MATR3: variants seen among roughly 807,000 people sequenced by gnomAD.
MATR3 encodes matrin-3.
Under a neutral mutation model 85.5 loss-of-function variants are expected in MATR3, and 4 were observed. The observed-to-expected ratio is 0.05, with a 90% confidence interval of 0.02 to 0.11. The LOEUF is 0.11. Ranked by LOEUF, MATR3 falls within the 10% of genes least tolerant of loss-of-function variation. The probability of loss-of-function intolerance (pLI) is 1.00; values close to 1 mark genes in which losing one functional copy is unlikely to be tolerated. For synonymous variants in MATR3, 336 were observed against 343.1 expected, an observed-to-expected ratio of 0.98 and a Z score of 0.23; for missense variants, 685 against 1,016.1, an observed-to-expected ratio of 0.67 and a Z score of 4.43.
rs754675629 is a variant in MATR3 at position 139,328,478 on chromosome 5, TCA to T, written c.2494-864_2494-863del. Among the ~76,000 whole-genome samples, 5 of 152,302 alleles carry T rather than the reference TCA, an allele frequency of 3.3e-5. No homozygotes were observed. In the East Asian group the frequency reaches 9.6e-4, roughly 29 times the overall value. ...CTCCCGTGTCTAGAAACTCTAGCAG[TCA>T]CAGGTTTAATGGCAGGGGTCAGCAA... On this transcript the variant is annotated intron_variant, in intron 14 of 14. Coordinates refer to ENST00000394805, the MANE Select transcript of MATR3 (RefSeq NM_018834.6).
intron 14 of MATR3, among the ~76,000 whole-genome samples, chr5:139,327,686 G>C (rs1755928254): frequency 1.3e-5 from 2 of 152,056 alleles, no homozygotes; most frequent in South Asian, 4.1e-4. Context: ...CTCCCAAAAT[G>C]CTGGGATTAC....
rs1182789387 is a variant in MATR3, at chr5:139,322,678, G to A, written c.1859G>A (p.Ser620Asn). The A allele has an allele frequency of 1.2e-6, 2 of 1,614,184 alleles. No individual in the cohort carries two copies. Among genetic ancestry groups the A allele is most frequent in the Admixed American group, 1.7e-5 (1 of 60,012 alleles). The change falls in exon 12 of 15, where the codon AGT becomes AAT. Residue 620 changes from serine to asparagine, a missense_variant. By Grantham distance (46) the Ser-to-Asn change is conservative (BLOSUM62 1). Transcript: ENST00000394805. ...ACTGATGGTTCCCAGAAGACTGAGAGTTCAACCGAAGGTAAAGAACAAGAA... is the reference window on the plus strand; with the variant it reads ...ACTGATGGTTCCCAGAAGACTGAGAATTCAACCGAAGGTAAAGAACAAGAA... Reference protein sequence around the residue: ...SKTDGSQKTESSTEGKEQEEK... With the variant: ...SKTDGSQKTENSTEGKEQEEK...
intron 2 of MATR3, chr5:139,311,083 C>T (rs534176875): frequency 1.3e-5 from 2 of 152,320 alleles, no homozygotes; most frequent in South Asian, 4.1e-4. Context: ...AGGTGTGAGC[C>T]ATCGCACCCA....
upstream of MATR3, among the ~76,000 whole-genome samples, chr5:139,291,035 GCTTAAAC>G (rs1272482785): frequency 1.3e-5 from 2 of 152,060 alleles, no homozygotes; most frequent in Admixed American, 6.6e-5. Flanking sequence ...CGGAAGGATT[GCTTAAAC>G]CCGGGACGCA....
intron 2 of MATR3, among the ~76,000 whole-genome samples, chr5:139,308,978 T>C (rs548764450): frequency 7.9e-5 from 12 of 152,230 alleles, no homozygotes; most frequent in Non-Finnish European, 1.6e-4. Context: ...TATCCCATGT[T>C]ACATCTGTCC....
At chr5:139,321,003 G>A (rs983210823) in intron 9 of MATR3, among the ~76,000 whole-genome samples, 1 of 150,046 alleles carries the variant, frequency 6.7e-6, no homozygotes, top group Non-Finnish European at 1.5e-5. Context: ...TGATCCGCCC[G>A]TCTCGGCCTC....
chr5:139,294,741 G>A (rs1451860132), intron 1 of MATR3: 3 of 152,198 alleles, frequency 2.0e-5, no homozygotes, highest in African/African-American at 4.8e-5. Context: ...TCCAGACAAA[G>A]GGTTTTGGAG....
At chr5:139,289,432 C>T (rs1753805218), upstream of MATR3, among the ~76,000 whole-genome samples, 1 of 152,184 alleles carries the variant, frequency 6.6e-6, no homozygotes, top group African/African-American at 2.4e-5. Flanking sequence ...AATATATACC[C>T]TGTCTCTAAA....
Position 139,325,665 on chromosome 5 carries a change from G to A in MATR3, c.2371+3G>A, listed in dbSNP as rs990109298. 1 of 1,572,894 alleles carries A rather than the reference G, an allele frequency of 6.4e-7. No individual in the cohort carries two copies. Among genetic ancestry groups the A allele is most frequent in the Non-Finnish European group, 8.7e-7 (1 of 1,146,972 alleles). ...ATATCAGCCCAATGTTCCTGTTGGT[G>A]AGATTTAAGTCTTTGTTCTTCACCT... On this transcript the variant is annotated splice_donor_region_variant and intron_variant, in intron 13 of 14. Transcript: ENST00000394805.
At position 139,316,224 on chromosome 5, in the gene MATR3, G is replaced by A. The variant is rs186995471; in HGVS notation, c.1129+36G>A. ...AAAATTCATGTTACTTTTCCCTACA[G>A]AGCCGTTACTGAAAATTTTTCTTTT... On this transcript the variant is annotated intron_variant, in intron 5 of 14. Transcript: ENST00000394805. 14 of 1,488,634 alleles carry A rather than the reference G, an allele frequency of 9.4e-6. No homozygotes were observed. The Admixed American group carries it at 1.3e-4, about 14-fold the overall frequency. The allele number at this position is 1,488,634 out of a possible 1,614,324, so 92.2% of individuals were successfully genotyped here. A position where few individuals can be genotyped will look rare whatever the true frequency, so the allele number is the denominator to read the frequency against.
intron 9 of MATR3, among the ~76,000 whole-genome samples, chr5:139,320,791 C>T (rs1389383331): frequency 2.1e-5 from 3 of 143,872 alleles, no homozygotes; most frequent in East Asian, 2.0e-4. Flanking sequence ...TCTGTCACCC[C>T]GGCTGTAGTG....
chr5:139,281,675 T>G (rs904698819), intron 3 of MATR3, among the ~76,000 whole-genome samples: 1 of 152,096 alleles, frequency 6.6e-6, no homozygotes, highest in Non-Finnish European at 1.5e-5. Flanking sequence ...TCTGTTAATC[T>G]TTTCCCATGC....
chr5:139,276,742 A>G (rs1265680460), intron 2 of MATR3, among the ~76,000 whole-genome samples: 3 of 152,214 alleles, frequency 2.0e-5, no homozygotes, highest in Non-Finnish European at 4.4e-5. Context: ...GGGGCCAGAT[A>G]CAATGGGATT....
At position 139,294,124 on chromosome 5, in the gene MATR3, T is replaced by G; in HGVS notation, c.-178+319T>G. 3.5e-6 allele frequency: 4 copies of G among 1,150,496 alleles called. No homozygotes were observed. The South Asian group carries it at 9.4e-5, about 27-fold the overall frequency. 71.3% of individuals were successfully genotyped at this position (1,150,496 alleles called of 1,614,324 possible). A position where few individuals can be genotyped will look rare whatever the true frequency, so the allele number is the denominator to read the frequency against. ...AGGTGCGCTGACCGGCCGAGCTTCC[T>G]GCGCGTCCTGGGCTCGTTGTGGGCG... On this transcript the variant is annotated intron_variant, in intron 1 of 14. Transcript: ENST00000394805.
intron 2 of MATR3, chr5:139,312,087 G>A (rs1755012896): frequency 6.6e-6 from 1 of 151,898 alleles, no homozygotes; most frequent in Non-Finnish European, 1.5e-5. Context: ...TAAATTTTGT[G>A]AACTTACCTG....
chr5:139,285,634 T>C (rs1753678380), intron 3 of MATR3, among the ~76,000 whole-genome samples: 1 of 152,010 alleles, frequency 6.6e-6, no homozygotes, highest in Non-Finnish European at 1.5e-5. Flanking sequence ...GATTGCACCA[T>C]TGCACTCCAG....
intron 2 of MATR3, chr5:139,278,592 C>T (rs1581196594): frequency 8.4e-6 from 3 of 357,006 alleles, no homozygotes; most frequent in South Asian, 6.2e-5. Context: ...TGGCACATGG[C>T]AGGACCTCCC....
rs914144929 is a variant in MATR3 at position 139,293,776 on chromosome 5, C to G, written c.-207C>G. On this transcript the variant is annotated 5_prime_UTR_variant, in exon 1 of 15. Coordinates refer to ENST00000394805, the MANE Select transcript of MATR3 (RefSeq NM_018834.6). ...CGTCCCGCTCGCTGGGAGAGAGGTACCTCTCCTTTTCCCTCTCCCTTTCCC... is the reference window on the plus strand; with the variant it reads ...CGTCCCGCTCGCTGGGAGAGAGGTAGCTCTCCTTTTCCCTCTCCCTTTCCC... The G allele has an allele frequency of 1.0e-5, 4 of 393,954 alleles. No individual in the cohort carries two copies. The highest frequency in any genetic ancestry group is 8.3e-5 in the African/African-American group (4 of 48,460). The allele number at this position is 393,954 out of a possible 1,614,324, so 24.4% of individuals were successfully genotyped here.
chr5:139,326,346 G>A, intron 14 of MATR3, 62 bp downstream of exon 14: 5 of 1,533,266 alleles, frequency 3.3e-6, no homozygotes, highest in Non-Finnish European at 4.5e-6. Context: ...AATAAGTGGG[G>A]TATATAAGTA....
Sources: gnomAD v4.1 joint callset for allele counts (sites outside exome capture counted in the v4.1 genomes callset) on GRCh38, gnomAD v4.1.1 for gene constraint, MANE v1.5 for transcripts, NCBI Gene and HGNC (gene_info 2026-07-23, HGNC 2026-07-21) for gene names.